The following DCC variants were observed in gnomAD, a reference collection of about 807,000 sequenced individuals.
DCC encodes the protein netrin receptor DCC.
In DCC, 58 loss-of-function variants were observed where a neutral mutation model predicts 172.5. The observed-to-expected ratio is 0.34, with a 90% CI of 0.27 to 0.42. DCC has a LOEUF of 0.42. Among genes scored for constraint, DCC ranks in the 10% least tolerant of loss-of-function variants. The pLI, the probability that DCC is intolerant of heterozygous loss-of-function variation, is 1.00. For synonymous variants in DCC, 709 were observed against 644.5 expected, an observed-to-expected ratio of 1.10 and a Z score of -1.52; for missense variants, 1,740 against 1,791.0, an observed-to-expected ratio of 0.97 and a Z score of 0.51.
chr18:53,267,289 C>A (rs1328588314), intron 12 of DCC, among the ~76,000 whole-genome samples: 1 of 151,936 alleles, frequency 6.6e-6, no homozygotes, highest in African/African-American at 2.4e-5. Context: ...TAGGTTCAAG[C>A]AATTCTCCTG....
At chr18:52,843,892 G>C (rs548782220) in intron 2 of DCC, among the ~76,000 whole-genome samples, 1 of 152,128 alleles carries the variant, frequency 6.6e-6, no homozygotes, top group African/African-American at 2.4e-5. Flanking sequence ...ACCCACTGTG[G>C]GCTGACTCAT....
chr18:52,429,148 T>A (rs1987538394), intron 1 of DCC, among the ~76,000 whole-genome samples: 1 of 152,116 alleles, frequency 6.6e-6, no homozygotes, highest in South Asian at 2.1e-4. Flanking sequence ...GGCCCATTTA[T>A]TGAGTGTCTG....
intron 1 of DCC, among the ~76,000 whole-genome samples, chr18:52,535,329 T>A (rs1035442694): frequency 2.0e-5 from 3 of 152,154 alleles, no homozygotes; most frequent in African/African-American, 7.2e-5. Context: ...CCTACTTGGA[T>A]TTCACCCTTT....
chr18:52,666,379 T>G (rs1041110452), intron 1 of DCC, among the ~76,000 whole-genome samples: 8 of 152,178 alleles, frequency 5.3e-5, no homozygotes, highest in Admixed American at 5.2e-4. Context: ...AAACCTACTA[T>G]GTACTTAAGG....
chr18:52,594,235 A>ATAGC (rs1292507026), intron 1 of DCC, among the ~76,000 whole-genome samples: 1 of 152,242 alleles, frequency 6.6e-6, no homozygotes, highest in African/African-American at 2.4e-5. Flanking sequence ...TGATCCACAT[A>ATAGC]TAGCTGGCTC....
rs535328635 is a variant in DCC at position 52,900,251 on chromosome 18, AT to A, written c.413-5792del. 1.7e-3 allele frequency among the ~76,000 whole-genome samples: 254 copies of A among 152,344 alleles called. 5 individuals are homozygous for A. The South Asian group carries it at 0.05, about 30-fold the overall frequency. On this transcript the variant is annotated intron_variant, in intron 2 of 28. Coordinates refer to ENST00000442544, the MANE Select transcript of DCC (RefSeq NM_005215.4). ...TCTTCCTTGCATGGGTAGTTAATAA[AT>A]GTTCTAGGAACAAATTGGGGTTACG...
At chr18:53,379,106 C>G (rs1192230304) in intron 15 of DCC, among the ~76,000 whole-genome samples, 1 of 152,236 alleles carries the variant, frequency 6.6e-6, no homozygotes, top group Non-Finnish European at 1.5e-5. Context: ...CAAAGGTGTT[C>G]AGTAACATTT....
intron 1 of DCC, among the ~76,000 whole-genome samples, chr18:52,583,719 A>G (rs933899630): frequency 3.3e-5 from 5 of 152,218 alleles, no homozygotes; most frequent in South Asian, 2.1e-4. Context: ...AATAAACTGA[A>G]TAAGAGTTAA....
intron 1 of DCC, among the ~76,000 whole-genome samples, chr18:52,502,291 G>C (rs1338701830): frequency 6.6e-6 from 1 of 151,996 alleles, no homozygotes; most frequent in East Asian, 1.9e-4. Flanking sequence ...ACCTCTGCAG[G>C]GACAAGAATA....
At chr18:52,867,776 T>A (rs1420781438) in intron 2 of DCC, among the ~76,000 whole-genome samples, 2 of 152,250 alleles carry the variant, frequency 1.3e-5, no homozygotes, top group Non-Finnish European at 2.9e-5. Context: ...CCTATAGCGT[T>A]CTAAAAGAAA....
Position 52,857,540 on chromosome 18 carries a change from A to G in DCC, c.413-48504A>G, listed in dbSNP as rs527379078. ...AAAACTATAAACTGAATGTCATTTGAATTTGGCTGTCTAGACACCATGATG... is the reference window on the plus strand; with the variant it reads ...AAAACTATAAACTGAATGTCATTTGGATTTGGCTGTCTAGACACCATGATG... On this transcript the variant is annotated intron_variant, in intron 2 of 28. Coordinates refer to ENST00000442544, the MANE Select transcript of DCC (RefSeq NM_005215.4). Among the ~76,000 whole-genome samples, 6 of 152,314 alleles carry G rather than the reference A, an allele frequency of 3.9e-5. No individual in the cohort carries two copies. In the East Asian group the frequency reaches 1.2e-3, roughly 29 times the overall value.
chr18:53,332,658 A>G (rs1274643373), intron 14 of DCC, among the ~76,000 whole-genome samples: 1 of 152,184 alleles, frequency 6.6e-6, no homozygotes, highest in Non-Finnish European at 1.5e-5. Flanking sequence ...ATTAATGTTC[A>G]TTATTAAAAT....
intron 5 of DCC, among the ~76,000 whole-genome samples, chr18:52,975,170 T>A (rs763743491): frequency 6.6e-6 from 1 of 152,152 alleles, no homozygotes; most frequent in Non-Finnish European, 1.5e-5. Flanking sequence ...CATATAATTA[T>A]CTTTTTACAG....
At chr18:53,176,612 A>G (rs914215860) in intron 8 of DCC, among the ~76,000 whole-genome samples, 8 of 152,232 alleles carry the variant, frequency 5.3e-5, no homozygotes, top group Non-Finnish European at 8.8e-5. Flanking sequence ...GGAAATGCAA[A>G]TCAAAACCAC....
intron 2 of DCC, among the ~76,000 whole-genome samples, chr18:52,882,960 G>C (rs879281754): frequency 5.3e-5 from 8 of 152,030 alleles, no homozygotes; most frequent in Non-Finnish European, 1.2e-4. Context: ...TATATTTTCA[G>C]TTGATGTATC....
At chr18:52,878,260 T>C (rs1306329156) in intron 2 of DCC, among the ~76,000 whole-genome samples, 2 of 152,166 alleles carry the variant, frequency 1.3e-5, no homozygotes, top group Non-Finnish European at 2.9e-5. Flanking sequence ...TCAAATACAT[T>C]CTATAAAACC....
Position 53,510,161 on chromosome 18 carries a change from T to G in DCC, c.4111+10651T>G, listed in dbSNP as rs541279175. ...GAAAGGGGTCATCCTAACCTGTCCTTAGCACCCCTCAAATGGTACACTGAA... is the reference window on the plus strand; with the variant it reads ...GAAAGGGGTCATCCTAACCTGTCCTGAGCACCCCTCAAATGGTACACTGAA... On this transcript the variant is annotated intron_variant, in intron 27 of 28. Coordinates refer to ENST00000442544, the MANE Select transcript of DCC (RefSeq NM_005215.4). 3.3e-5 allele frequency among the ~76,000 whole-genome samples: 5 copies of G among 152,262 alleles called. No individual in the cohort carries two copies. The East Asian group carries it at 9.7e-4, about 29-fold the overall frequency.
At chr18:52,940,830 G>A (rs929148420) in intron 5 of DCC, 1 of 152,180 alleles carries the variant, frequency 6.6e-6, no homozygotes, top group African/African-American at 2.4e-5. Context: ...TCAAATGCCA[G>A]AGATCACCAG....
Position 53,393,922 on chromosome 18 carries a change from C to CTCTCTCTCT in DCC, c.2688+2035_2688+2036insTCTCTCTCT, listed in dbSNP as rs72364865. On this transcript the variant is annotated intron_variant, in intron 17 of 28. Transcript: ENST00000442544. Reference sequence around the variant, plus strand: ...TTCCCTCTCTCTCTCTCCCTCTCTCCCTCCCTCCCTCCCCCTATATATCCA... The same window carrying CTCTCTCTCT: ...TTCCCTCTCTCTCTCTCCCTCTCTCCTCTCTCTCTCTCCCTCCCTCCCCCTATATATCCA... Among the ~76,000 whole-genome samples the CTCTCTCTCT allele has an allele frequency of 7.5e-3, 985 of 130,922 alleles. 9 individuals carry two copies. Among genetic ancestry groups the CTCTCTCTCT allele is most frequent in the Non-Finnish European group, 0.012 (763 of 61,822 alleles). 85.9% of individuals were successfully genotyped at this position (130,922 alleles called of 152,430 possible).
Sources: allele counts gnomAD v4.1 joint callset (sites outside exome capture counted in the v4.1 genomes callset), GRCh38; gene constraint gnomAD v4.1.1; transcripts MANE v1.5; gene names NCBI Gene and HGNC (gene_info 2026-07-23, HGNC 2026-07-21).